TLX1: variants seen among roughly 807,000 people sequenced by gnomAD.
TLX1 encodes T-cell leukemia homeobox protein 1.
A neutral mutation model predicts 26.5 loss-of-function variants in TLX1; 6 were observed. The observed-to-expected ratio is 0.23, with a 90% CI of 0.12 to 0.45. The LOEUF (loss-of-function observed/expected upper bound fraction) is 0.45, where lower values mean the gene tolerates loss of function less well. Among genes scored for constraint, TLX1 ranks in the 20% least tolerant of loss-of-function variants. TLX1 has a pLI of 0.99. For missense variants in TLX1, 418 were observed against 482.6 expected (o/e 0.87, Z 1.25); for synonymous variants, 217 against 219.7 (o/e 0.99, Z 0.11).
Position 101,134,527 on chromosome 10 carries a change from T to C in TLX1, c.770+151T>C, listed in dbSNP as rs118095915. 2.1e-3 allele frequency: 1,891 copies of C among 920,736 alleles called. 6 individuals are homozygous for C. Among genetic ancestry groups the C allele is most frequent in the Non-Finnish European group, 2.7e-3 (1,732 of 632,578 alleles). 57.0% of individuals were successfully genotyped at this position (920,736 alleles called of 1,614,324 possible). On this transcript the variant is annotated intron_variant, in intron 2 of 2. Transcript: ENST00000370196. ...AGCTCCCGCTAGGCTTGCGGGGAGC[T>C]GGAAGCAACCGAGGCCGATAGCTGG...
Position 101,137,027 on chromosome 10 carries a change from T to C in TLX1, c.*114T>C. ...CAGACTGCACCCAGGAGGGGAACACTGCCCTCGCACGGCCCCGAAGGGCCC... is the reference window on the plus strand; with the variant it reads ...CAGACTGCACCCAGGAGGGGAACACCGCCCTCGCACGGCCCCGAAGGGCCC... On this transcript the variant is annotated 3_prime_UTR_variant, in exon 3 of 3. Coordinates refer to ENST00000370196, the MANE Select transcript of TLX1 (RefSeq NM_005521.4). 5 of 1,355,440 alleles carry C rather than the reference T, an allele frequency of 3.7e-6. No homozygotes were observed. The highest frequency in any genetic ancestry group is 1.4e-5 in the South Asian group (1 of 71,504). 84.0% of individuals were successfully genotyped at this position (1,355,440 alleles called of 1,614,324 possible).
At chr10:101,135,162 AC>A in intron 2 of TLX1, among the ~76,000 whole-genome samples, 1 of 15,760 alleles carries the variant, frequency 6.3e-5, no homozygotes, top group South Asian at 3.1e-3. Flanking sequence ...CTCCGGCTGC[AC>A]CCTCTGGCAC....
rs752407770 is a variant in TLX1 at position 101,136,870 on chromosome 10, C to T, written c.950C>T (p.Thr317Ile). ...CTGCAGCCGTGGTCTGACGACTCGA[C>T]CAAAATCACTAGCGTCACGTCGGTG... ...QNLQPWSDDS[T>I]KITSVTSVAS... The change falls in exon 3 of 3, where the codon ACC (threonine) becomes ATC (isoleucine). Residue 317 changes from threonine (T) to isoleucine (I), a missense_variant. This residue lies in a region of TLX1 where 78 missense variants were observed against 92.2 expected (regional missense o/e 0.85). Coordinates refer to ENST00000370196, the MANE Select transcript of TLX1 (RefSeq NM_005521.4). 1.9e-6 allele frequency: 3 copies of T among 1,613,790 alleles called. No individual in the cohort carries two copies. Among genetic ancestry groups the T allele is most frequent in the Non-Finnish European group, 1.7e-6 (2 of 1,180,046 alleles).
rs1375040060 is a variant in TLX1, at chr10:101,131,793, C to G, written c.252C>G (p.Gly84=). ...YGTGGPGGPG[G]PAGGGGACSM... is the part of the protein sequence containing the mutation. ...CTGGAGGTCCCGGCGGCCCCGGAGG[C>G]CCGGCAGGCGGCGGCGGCGCCTGCA... Residue 84 remains glycine (G), a synonymous_variant, in exon 1 of 3, where the codon GGC becomes GGG. Coordinates refer to ENST00000370196, the MANE Select transcript of TLX1 (RefSeq NM_005521.4). 4.3e-6 allele frequency: 6 copies of G among 1,387,706 alleles called. No individual in the cohort carries two copies. The highest frequency in any genetic ancestry group is 4.6e-6 in the Non-Finnish European group (5 of 1,077,100). The allele number at this position is 1,387,706 out of a possible 1,614,324, so 86.0% of individuals were successfully genotyped here.
Position 101,131,374 on chromosome 10 carries a change from C to T in TLX1, c.-168C>T. 2.3e-6 allele frequency: 1 copy of T among 437,340 alleles called. No individual in the cohort carries two copies. The highest frequency in any genetic ancestry group is 3.6e-5 in the East Asian group (1 of 28,160). 27.1% of individuals were successfully genotyped at this position (437,340 alleles called of 1,614,324 possible). On this transcript the variant is annotated 5_prime_UTR_variant, in exon 1 of 3. Transcript: ENST00000370196. ...GCCAGAGAGGGGAAGAATACGGCGCCCCCTCTCTCCCTCCCCTCCCCCTTC... is the reference window on the plus strand; with the variant it reads ...GCCAGAGAGGGGAAGAATACGGCGCTCCCTCTCTCCCTCCCCTCCCCCTTC...
chr10:101,131,996 C>T lies in TLX1; in HGVS notation c.455C>T (p.Thr152Ile). The T allele has an allele frequency of 6.6e-7, 1 of 1,524,286 alleles. No homozygotes were observed. The allele number at this position is 1,524,286 out of a possible 1,614,324, so 94.4% of individuals were successfully genotyped here. The change falls in exon 1 of 3, where the codon ACC becomes ATC. Residue 152 changes from threonine (T) to isoleucine (I), a missense_variant. Thr to Ile is a moderately conservative substitution (Grantham distance 89, BLOSUM62 -1). Around this residue, in one of 3 missense-constraint regions of TLX1, gnomAD observed 322 missense variants for 344.6 expected, o/e 0.93. Coordinates refer to ENST00000370196, the MANE Select transcript of TLX1 (RefSeq NM_005521.4). ...GTGGCCCACCCCCAGCCCCTGGCCA[C>T]CGGCTTGCCCACCGTGCCCTCTGTG... ...GAVAHPQPLA[T>I]GLPTVPSVPA...
At chr10:101,134,446 C>T in intron 2 of TLX1, 70 bp downstream of exon 2, 1 of 1,410,078 alleles carries the variant, frequency 7.1e-7, no homozygotes. Context: ...TCATTGGCCT[C>T]TCGTGGGGCG....
rs147737669 is a variant in TLX1 at position 101,132,045 on chromosome 10, C to T, written c.504C>T (p.Asn168=). The change falls in exon 1 of 3, where the codon AAC becomes AAT. Residue 168 remains asparagine, a synonymous_variant. Coordinates refer to ENST00000370196, the MANE Select transcript of TLX1 (RefSeq NM_005521.4). This position sits in a 1 kb window ranked among gnomAD's most constrained non-coding sequence, Gnocchi z 4.1. ...PSVPAMPGVN[N]LTGLTFPWME... ...TGCCTGCCATGCCGGGCGTCAACAA[C>T]CTCACTGGCCTCACCTTCCCCTGGA... The T allele has an allele frequency of 1.3e-6, 2 of 1,505,384 alleles. No homozygotes were observed. The highest frequency in any genetic ancestry group is 1.8e-6 in the Non-Finnish European group (2 of 1,134,642). The allele number at this position is 1,505,384 out of a possible 1,614,324, so 93.3% of individuals were successfully genotyped here.
intron 2 of TLX1, chr10:101,135,350 G>C (rs946349303): frequency 1.3e-5 from 2 of 154,372 alleles, no homozygotes; most frequent in Non-Finnish European, 2.9e-5. Context: ...TTTTCTGAAC[G>C]AAGGCGAGGA....
rs1218607432 is a variant in TLX1, at chr10:101,132,612, G to C, written c.568+503G>C. Among the ~76,000 whole-genome samples, 4 of 147,492 alleles carry C rather than the reference G, an allele frequency of 2.7e-5. No homozygotes were observed. The highest frequency in any genetic ancestry group is 4.5e-5 in the Non-Finnish European group (3 of 66,990). The stretch of plus-strand genomic sequence containing the variant: ...AGCTCCGGTGCCCGTGGTGCTGCGG[G>C]GCCAGTGGGGGCTCTGAGCCCCGGT... On this transcript the variant is annotated intron_variant, in intron 1 of 2. Transcript: ENST00000370196. The surrounding 1 kb of genome is among the most constrained non-coding windows in gnomAD (Gnocchi z 4.1).
rs998836625 is a variant in TLX1 at position 101,131,940 on chromosome 10, G to A, written c.399G>A (p.Arg133=). The A allele has an allele frequency of 5.6e-6, 8 of 1,439,200 alleles. No individual in the cohort carries two copies. In the African/African-American group the frequency reaches 8.9e-5, roughly 16 times the overall value. The allele number at this position is 1,439,200 out of a possible 1,614,324, so 89.2% of individuals were successfully genotyped here. Residue 133 remains arginine, a synonymous_variant, in exon 1 of 3, where the codon CGG becomes CGA. Transcript: ENST00000370196. ...AGALSAAGVI[R]VPAHRPLAGA... ...CACTCAGCGCTGCGGGGGTAATCCG[G>A]GTGCCGGCACACAGGCCGCTCGCCG...
Position 101,137,483 on chromosome 10 carries a change from G to GAACAGCAT in TLX1, c.*571_*578dup, listed in dbSNP as rs916332676. Reference sequence around the variant, plus strand: ...GTCAGGGGTGACACAGACTCATCCTGAACAGCATGGCACTCCCTCCAGCAC... The same window carrying GAACAGCAT: ...GTCAGGGGTGACACAGACTCATCCTGAACAGCATAACAGCATGGCACTCCCTCCAGCAC... On this transcript the variant is annotated 3_prime_UTR_variant, in exon 3 of 3. Transcript: ENST00000370196. The GAACAGCAT allele has an allele frequency of 5.8e-5, 14 of 240,074 alleles. No homozygotes were observed. The highest frequency in any genetic ancestry group is 6.5e-5 in the Non-Finnish European group (8 of 122,322). 14.9% of individuals were successfully genotyped at this position (240,074 alleles called of 1,614,324 possible).
rs575826540 is a variant in TLX1, at chr10:101,134,466, T to C, written c.770+90T>C. 6.6e-6 allele frequency: 9 copies of C among 1,355,682 alleles called. 1 individual carries two copies. In the Admixed American group the frequency reaches 2.3e-4, roughly 35 times the overall value. The allele number at this position is 1,355,682 out of a possible 1,614,324, so 84.0% of individuals were successfully genotyped here. A position where few individuals can be genotyped will look rare whatever the true frequency, so the allele number is the denominator to read the frequency against. On this transcript the variant is annotated intron_variant, in intron 2 of 2. Coordinates refer to ENST00000370196, the MANE Select transcript of TLX1 (RefSeq NM_005521.4). Reference sequence around the variant, plus strand: ...GGCCTCTCGTGGGGCGCACATACTTTTTCCGCTCGCGGTTTCTGATCCTTT... The same window carrying C: ...GGCCTCTCGTGGGGCGCACATACTTCTTCCGCTCGCGGTTTCTGATCCTTT...
In TLX1 at chr10:101,131,484, C is replaced by A. The variant is rs1940168158; in HGVS notation, c.-58C>A. On this transcript the variant is annotated 5_prime_UTR_variant, in exon 1 of 3. Coordinates refer to ENST00000370196, the MANE Select transcript of TLX1 (RefSeq NM_005521.4). ...GCCTCCCAGCCCCTGCTAGCTGCCC[C>A]CCGAGCCGAGCGCAGCGAGCGCCGC... 3.7e-6 allele frequency: 5 copies of A among 1,356,536 alleles called. No individual in the cohort carries two copies. Among genetic ancestry groups the A allele is most frequent in the South Asian group, 1.9e-5 (1 of 52,860 alleles). The allele number at this position is 1,356,536 out of a possible 1,614,324, so 84.0% of individuals were successfully genotyped here.
rs1382450050 is a variant in TLX1, at chr10:101,136,775, G to A, written c.855G>A (p.Lys285=). The part of the protein sequence containing the change: ...LLQLQQEAFQ[K]SLAQPLPADP... ...AGTTGCAGCAGGAGGCCTTCCAGAAGAGCCTGGCACAGCCGCTGCCCGCTG... is the reference window on the plus strand; with the variant it reads ...AGTTGCAGCAGGAGGCCTTCCAGAAAAGCCTGGCACAGCCGCTGCCCGCTG... The change falls in exon 3 of 3, where the codon AAG becomes AAA. Residue 285 remains lysine, a synonymous_variant. Transcript: ENST00000370196. 1.9e-6 allele frequency: 3 copies of A among 1,613,306 alleles called. No homozygotes were observed. The highest frequency in any genetic ancestry group is 2.5e-6 in the Non-Finnish European group (3 of 1,180,028).
intron 2 of TLX1, chr10:101,135,459 C>T (rs1484189454): frequency 6.5e-6 from 1 of 154,426 alleles, no homozygotes; most frequent in African/African-American, 2.4e-5. Context: ...GGGGATGCGG[C>T]CTCAGACCTT....
At chr10:101,134,897 C>G (rs986637958) in intron 2 of TLX1, among the ~76,000 whole-genome samples, 1 of 152,212 alleles carries the variant, frequency 6.6e-6, no homozygotes, top group Non-Finnish European at 1.5e-5. Context: ...TTTGCGCAGC[C>G]GGTCCCTACC....
At chr10:101,135,597 GAGAA>G (rs957829092) in intron 2 of TLX1, 2 of 152,418 alleles carry the variant, frequency 1.3e-5, no homozygotes, top group African/African-American at 4.8e-5. Flanking sequence ...GAGGGGCACA[GAGAA>G]AGAAAGAGGC....
chr10:101,131,743 G>A lies in TLX1; in HGVS notation c.202G>A (p.Ala68Thr). The A allele has an allele frequency of 1.4e-6, 2 of 1,428,182 alleles. No homozygotes were observed. The highest frequency in any genetic ancestry group is 2.9e-5 in the East Asian group (1 of 34,354). 88.5% of individuals were successfully genotyped at this position (1,428,182 alleles called of 1,614,324 possible). Residue 68 changes from alanine (A) to threonine (T), a missense_variant, in exon 1 of 3, where the codon GCT becomes ACT. Physicochemically the swap from Ala to Thr is moderately conservative, Grantham distance 58. This residue lies in a region of TLX1 where 322 missense variants were observed against 344.6 expected (regional missense o/e 0.93). Transcript: ENST00000370196. ...GGGGSAAATGAGGAGAYGTGG... is the reference protein window; with the variant it reads ...GGGGSAAATGTGGAGAYGTGG... Reference sequence around the variant, plus strand: ...CGGGGGCTCCGCGGCCGCGACGGGGGCTGGAGGAGCGGGGGCCTATGGTAC... The same window carrying A: ...CGGGGGCTCCGCGGCCGCGACGGGGACTGGAGGAGCGGGGGCCTATGGTAC...
Sources: gnomAD v4.1 joint callset for allele counts (sites outside exome capture counted in the v4.1 genomes callset) on GRCh38, gnomAD v4.1.1 for gene constraint, gnomAD v4.1.1 regional missense constraint, Gnocchi (gnomAD v3.1) non-coding constraint, MANE v1.5 for transcripts, NCBI Gene and HGNC (gene_info 2026-07-23, HGNC 2026-07-21) for gene names.